Variants in CHODL observed in about 807,000 individuals in gnomAD.
The protein encoded by CHODL is transmembrane protein MT75.
CHODL carries 29 observed loss-of-function variants against 34.5 expected under a neutral mutation model. The ratio of observed to expected loss-of-function variants is 0.84; its 90% CI spans 0.63 to 1.15. The LOEUF is 1.15. Among genes scored for constraint, CHODL ranks in the 50% most tolerant of loss-of-function variants. CHODL has a pLI of 0.00. For missense variants in CHODL, 332 were observed against 332.5 expected (o/e 1.00, Z 0.01); for synonymous variants, 125 against 116.1 (o/e 1.08, Z -0.49).
At chr21:18,159,558 C>T (rs1303899446) in intron 2 of CHODL, among the ~76,000 whole-genome samples, 2 of 152,120 alleles carry the variant, frequency 1.3e-5, no homozygotes, top group Non-Finnish European at 1.5e-5. Flanking sequence ...TGATGATTTT[C>T]GAGAACTTTC....
chr21:18,201,069 T>TTAA (rs1286782947), intron 2 of CHODL, among the ~76,000 whole-genome samples: 2 of 152,180 alleles, frequency 1.3e-5, no homozygotes, highest in Non-Finnish European at 2.9e-5. Context: ...TGTGGCAATA[T>TTAA]GTTATGCAGT....
chr21:17,972,670 A>G (rs548164995), intron 1 of CHODL, among the ~76,000 whole-genome samples: 30 of 152,366 alleles, frequency 2.0e-4, no homozygotes, highest in African/African-American at 7.2e-4. Flanking sequence ...AAAACATTTC[A>G]TGCTCGTGGA....
chr21:17,996,124 C>T (rs1450435480), intron 1 of CHODL, among the ~76,000 whole-genome samples: 1 of 151,970 alleles, frequency 6.6e-6, no homozygotes, highest in African/African-American at 2.4e-5. Context: ...ACATGCTTCC[C>T]ATCCTTGAGC....
In CHODL at chr21:18,077,959, G is replaced by A. The variant is rs158033; in HGVS notation, c.-45+49988G>A. On this transcript the variant is annotated intron_variant, in intron 2 of 6. Transcript: ENST00000400127. Reference sequence around the variant, plus strand: ...TATGTACAATGGCCTTGAAGAAGAAGGGGAGATTTAAGAGTAATTTCAGTA... The same window carrying A: ...TATGTACAATGGCCTTGAAGAAGAAAGGGAGATTTAAGAGTAATTTCAGTA... Among the ~76,000 whole-genome samples the A allele has an allele frequency of 2.6e-5, 4 of 152,034 alleles. No individual in the cohort carries two copies. In the South Asian group the frequency reaches 8.3e-4, roughly 32 times the overall value.
intron 2 of CHODL, among the ~76,000 whole-genome samples, chr21:18,106,298 A>G (rs975891048): frequency 6.6e-6 from 1 of 152,154 alleles, no homozygotes; most frequent in African/African-American, 2.4e-5. Context: ...AAAAACAGAC[A>G]GTACCCTTGA....
Position 18,120,615 on chromosome 21 carries a change from A to T in CHODL, c.-45+92644A>T, listed in dbSNP as rs537018899. The stretch of plus-strand genomic sequence containing the variant: ...TTATTGTTTATATCTTTTTGTTTTA[A>T]AAATGTGTGTGTACATATATACAAA... On this transcript the variant is annotated intron_variant, in intron 2 of 6. Coordinates refer to the CHODL transcript ENST00000400127. 2.6e-5 allele frequency among the ~76,000 whole-genome samples: 4 copies of T among 152,276 alleles called. No homozygotes were observed. The South Asian group carries it at 8.3e-4, about 32-fold the overall frequency.
intron 2 of CHODL, among the ~76,000 whole-genome samples, chr21:18,225,048 G>A (rs1230577528): frequency 6.6e-6 from 1 of 152,070 alleles, no homozygotes; most frequent in Non-Finnish European, 1.5e-5. Context: ...TGTGTGTACA[G>A]TATGTTATAA....
Position 17,986,739 on chromosome 21 carries a change from ACT to A in CHODL, c.-144-41132_-144-41131del, listed in dbSNP as rs1196805490. 2.0e-5 allele frequency among the ~76,000 whole-genome samples: 3 copies of A among 152,226 alleles called. No homozygotes were observed. The East Asian group carries it at 5.8e-4, about 29-fold the overall frequency. On this transcript the variant is annotated intron_variant, in intron 1 of 6. Coordinates refer to the CHODL transcript ENST00000400127. Reference sequence around the variant, plus strand: ...TTCTAGGTCCTTGAGGAATCGCCACACTGTCTTCCACAATGGTTGAACTAATT... The same window carrying A: ...TTCTAGGTCCTTGAGGAATCGCCACAGTCTTCCACAATGGTTGAACTAATT...
chr21:18,265,225 A>G (rs1309159480), intron 5 of CHODL, among the ~76,000 whole-genome samples: 1 of 148,042 alleles, frequency 6.8e-6, no homozygotes, highest in Non-Finnish European at 1.5e-5. Flanking sequence ...ATGTGTATAT[A>G]TATATGTGTG....
rs1259102448 is a variant in CHODL, at chr21:18,102,332, A to G, written c.-45+74361A>G. The stretch of plus-strand genomic sequence containing the variant: ...AATACTTTCCAGATCTGCTGTTCCC[A>G]GTAAGTTACTACAGTCCACTGCTGA... On this transcript the variant is annotated intron_variant, in intron 2 of 6. Coordinates refer to the CHODL transcript ENST00000400127. 2.6e-5 allele frequency among the ~76,000 whole-genome samples: 4 copies of G among 152,162 alleles called. No homozygotes were observed. In the East Asian group the frequency reaches 5.8e-4, roughly 22 times the overall value.
At chr21:18,045,784 G>A (rs899626457) in intron 2 of CHODL, among the ~76,000 whole-genome samples, 3 of 151,856 alleles carry the variant, frequency 2.0e-5, no homozygotes, top group Non-Finnish European at 4.4e-5. Flanking sequence ...TTGACTAGAA[G>A]GAACTAGCTA....
At chr21:17,986,998 CAT>C (rs149939082) in intron 1 of CHODL, among the ~76,000 whole-genome samples, 1,718 of 152,124 alleles carry the variant, frequency 0.011, 31 homozygotes, top group African/African-American at 0.039. Flanking sequence ...TGGAGGAAAA[CAT>C]GTGTACTTTG....
At chr21:18,240,853 C>A (rs1438551729), upstream of CHODL, among the ~76,000 whole-genome samples, 2 of 152,060 alleles carry the variant, frequency 1.3e-5, no homozygotes, top group Non-Finnish European at 2.9e-5. Flanking sequence ...TAACTGATCA[C>A]CTGAATGATC....
intron 2 of CHODL, among the ~76,000 whole-genome samples, chr21:18,167,182 GTT>G (rs2073164534): frequency 6.9e-6 from 1 of 145,496 alleles, no homozygotes; most frequent in South Asian, 2.2e-4. Context: ...AAAATAAAAA[GTT>G]ATTTCACCAT....
At chr21:18,145,894 A>T (rs1198988835) in intron 2 of CHODL, among the ~76,000 whole-genome samples, 1 of 152,156 alleles carries the variant, frequency 6.6e-6, no homozygotes. Context: ...CTCAATACGG[A>T]GTTAAATTGT....
intron 1 of CHODL, among the ~76,000 whole-genome samples, chr21:17,927,124 G>GTA (rs201448751): frequency 8.7e-6 from 1 of 114,630 alleles, no homozygotes; most frequent in Non-Finnish European, 1.7e-5. Flanking sequence ...ATGTATATAT[G>GTA]TATATATATG....
At chr21:17,930,007 G>A (rs1008809228) in intron 1 of CHODL, among the ~76,000 whole-genome samples, 6 of 152,152 alleles carry the variant, frequency 3.9e-5, no homozygotes, top group Non-Finnish European at 7.4e-5. Flanking sequence ...GAGCATTTTG[G>A]CTGTGGCCTG....
intron 2 of CHODL, among the ~76,000 whole-genome samples, chr21:18,209,214 T>C (rs1411288887): frequency 6.6e-6 from 1 of 152,186 alleles, no homozygotes; most frequent in Non-Finnish European, 1.5e-5. Context: ...CTACTGTGGC[T>C]CAGCTGGCAC....
chr21:18,153,762 A>G (rs1265019233), intron 2 of CHODL, among the ~76,000 whole-genome samples: 1 of 152,118 alleles, frequency 6.6e-6, no homozygotes, highest in Non-Finnish European at 1.5e-5. Context: ...ATATATATAC[A>G]TATATATTTA....
Sources: gnomAD v4.1 joint callset for allele counts (sites outside exome capture counted in the v4.1 genomes callset) on GRCh38, gnomAD v4.1.1 for gene constraint, MANE v1.5 for transcripts, NCBI Gene and HGNC (gene_info 2026-07-23, HGNC 2026-07-21) for gene names.